ADGRL3: variants seen among roughly 807,000 people sequenced by gnomAD.
ADGRL3 encodes the protein calcium-independent alpha-latrotoxin receptor 3.
ADGRL3 carries 62 observed loss-of-function variants against 153.5 expected under a neutral mutation model. The observed-to-expected ratio is 0.40, with a 90% confidence interval of 0.33 to 0.50. ADGRL3 has a LOEUF of 0.50. Among genes scored for constraint, ADGRL3 ranks in the 20% least tolerant of loss-of-function variants. The probability of loss-of-function intolerance (pLI) is 0.47; values close to 1 mark genes in which losing one functional copy is unlikely to be tolerated. For missense variants in ADGRL3, 1,641 were observed against 1,859.4 expected (o/e 0.88, Z 2.16); for synonymous variants, 710 against 672.5 (o/e 1.06, Z -0.86).
At chr4:61,893,045 T>TCCTC (rs1327641275) in intron 10 of ADGRL3, 87 bp downstream of exon 10, 1 of 758,274 alleles carries the variant, frequency 1.3e-6, no homozygotes, top group South Asian at 4.3e-5. Context: ...CTTCCTCCTT[T>TCCTC]CCTCCCTCCC....
chr4:61,558,888 C>A (rs1326716262), intron 4 of ADGRL3, among the ~76,000 whole-genome samples: 3 of 152,004 alleles, frequency 2.0e-5, no homozygotes, highest in African/African-American at 7.2e-5. Flanking sequence ...ATAAAAATCT[C>A]TTTTAAGGTT....
At chr4:61,894,876 A>T (rs1445212243) in intron 10 of ADGRL3, among the ~76,000 whole-genome samples, 2 of 152,098 alleles carry the variant, frequency 1.3e-5, no homozygotes, top group Non-Finnish European at 2.9e-5. Context: ...CTCCTCTTTT[A>T]ATATTCTCAT....
intron 25 of ADGRL3, among the ~76,000 whole-genome samples, chr4:62,063,810 T>C (rs1313375959): frequency 6.6e-6 from 1 of 152,094 alleles, no homozygotes; most frequent in Non-Finnish European, 1.5e-5. Flanking sequence ...AGGTTTTCCT[T>C]AGTAAAAAAT....
chr4:61,233,492 G>A (rs1259348283), intron 1 of ADGRL3, among the ~76,000 whole-genome samples: 3 of 152,126 alleles, frequency 2.0e-5, no homozygotes, highest in African/African-American at 2.4e-5. Flanking sequence ...TTGAGTGGGA[G>A]GCATAGAAGG....
At chr4:61,411,168 C>T (rs2097082414) in intron 2 of ADGRL3, among the ~76,000 whole-genome samples, 1 of 152,112 alleles carries the variant, frequency 6.6e-6, no homozygotes. Flanking sequence ...ATTGTCCCAA[C>T]AATGTCAGTT....
intron 1 of ADGRL3, among the ~76,000 whole-genome samples, chr4:61,221,890 A>T (rs1745760003): frequency 6.6e-6 from 1 of 152,142 alleles, no homozygotes; most frequent in Admixed American, 6.5e-5. Context: ...CATTTCAATC[A>T]GCATGCTCCT....
At chr4:61,386,378 T>G in intron 2 of ADGRL3, among the ~76,000 whole-genome samples, 1 of 152,304 alleles carries the variant, frequency 6.6e-6, no homozygotes, top group South Asian at 2.1e-4. Context: ...TCTTAAATTC[T>G]AAGTGATTAA....
chr4:61,923,439 C>T (rs1229490149), intron 13 of ADGRL3, among the ~76,000 whole-genome samples: 1 of 150,208 alleles, frequency 6.7e-6, no homozygotes, highest in East Asian at 1.9e-4. Flanking sequence ...CTCTTTTGCC[C>T]TTATAGAAAA....
intron 2 of ADGRL3, among the ~76,000 whole-genome samples, chr4:61,468,141 T>C (rs2097906480): frequency 6.6e-6 from 1 of 152,164 alleles, no homozygotes. Context: ...ATAAAAGCAA[T>C]GTAAAAACCC....
chr4:61,214,868 T>TTCCAGCTCAC (rs1343945898), intron 1 of ADGRL3, among the ~76,000 whole-genome samples: 56 of 151,936 alleles, frequency 3.7e-4, no homozygotes, highest in Admixed American at 1.2e-3. Flanking sequence ...AGCTGGGGAG[T>TTCCAGCTCAC]TCCAGGCTGC....
At position 61,324,314 on chromosome 4, in the gene ADGRL3, A is replaced by G. The variant is rs192576017; in HGVS notation, c.-239-58810A>G. Among the ~76,000 whole-genome samples, 7 of 152,262 alleles carry G rather than the reference A, an allele frequency of 4.6e-5. No homozygotes were observed. In the South Asian group the frequency reaches 1.5e-3, roughly 32 times the overall value. On this transcript the variant is annotated intron_variant, in intron 1 of 26. Transcript: ENST00000683033. ...CACATATGTACCTACTAAATCAAAT[A>G]CATTTTATATTTGAGAAACGTATAC...
chr4:61,893,830 C>T (rs1581343298), intron 10 of ADGRL3, among the ~76,000 whole-genome samples: 1 of 150,128 alleles, frequency 6.7e-6, no homozygotes, highest in Non-Finnish European at 1.5e-5. Context: ...GCCTCAGCCT[C>T]CTGAGTAGCT....
chr4:62,009,497 A>G (rs1170215008), intron 21 of ADGRL3, among the ~76,000 whole-genome samples: 1 of 152,102 alleles, frequency 6.6e-6, no homozygotes, highest in Non-Finnish European at 1.5e-5. Context: ...ACTCATTGTT[A>G]TTTGTCAGAA....
chr4:61,497,489 A>C (rs1331077960), intron 3 of ADGRL3, 141 bp downstream of exon 3: 1 of 520,924 alleles, frequency 1.9e-6, no homozygotes, highest in Non-Finnish European at 3.3e-6. Context: ...AAATAAAAGA[A>C]CATAATGTGT....
chr4:62,014,498 T>C (rs925640354), intron 21 of ADGRL3, among the ~76,000 whole-genome samples: 1 of 152,306 alleles, frequency 6.6e-6, no homozygotes, highest in African/African-American at 2.4e-5. Context: ...ACAAGTTTTT[T>C]ATAATTTTTG....
chr4:61,729,757 C>A (rs551025736), intron 6 of ADGRL3, among the ~76,000 whole-genome samples: 1 of 151,818 alleles, frequency 6.6e-6, no homozygotes. Context: ...TTTGTGAATA[C>A]GTTAACAATT....
intron 17 of ADGRL3, among the ~76,000 whole-genome samples, chr4:61,972,570 A>G (rs1435163999): frequency 1.3e-5 from 2 of 152,136 alleles, no homozygotes; most frequent in Non-Finnish European, 2.9e-5. Flanking sequence ...GCCTTGTAGT[A>G]TAGTTTGAAG....
chr4:61,466,130 A>C (rs2097881140), intron 2 of ADGRL3, among the ~76,000 whole-genome samples: 1 of 151,972 alleles, frequency 6.6e-6, no homozygotes. Context: ...CAAAAATAAT[A>C]AATAAATAAA....
chr4:61,645,440 T>C (rs1421082503), intron 5 of ADGRL3, among the ~76,000 whole-genome samples: 1 of 151,092 alleles, frequency 6.6e-6, no homozygotes, highest in Non-Finnish European at 1.5e-5. Flanking sequence ...TTCCTTTCCA[T>C]GTTTAGCGCT....
Sources: gnomAD v4.1 joint callset for allele counts (sites outside exome capture counted in the v4.1 genomes callset) on GRCh38, gnomAD v4.1.1 for gene constraint, MANE v1.5 for transcripts, NCBI Gene and HGNC (gene_info 2026-07-23, HGNC 2026-07-21) for gene names.